The following SLC16A2 variants were observed in gnomAD, a reference collection of about 807,000 sequenced individuals.
SLC16A2 encodes solute carrier family 16 member 2, also known as monocarboxylate transporter 8.
Under a neutral mutation model 27.2 loss-of-function variants are expected in SLC16A2, and 3 were observed. The ratio of observed to expected loss-of-function variants is 0.11; its 90% CI spans 0.05 to 0.28. SLC16A2 has a LOEUF of 0.28. Among genes scored for constraint, SLC16A2 ranks in the 10% least tolerant of loss-of-function variants. The pLI is 1.00. For missense variants in SLC16A2, 295 were observed against 458.5 expected (o/e 0.64, Z 3.26); for synonymous variants, 202 against 187.8 (o/e 1.08, Z -0.62).
intron 1 of SLC16A2, among the ~76,000 whole-genome samples, chrX:74,506,154 G>A (rs1375122059): frequency 2.1e-4 from 23 of 111,372 alleles, no homozygotes; most frequent in Admixed American, 1.9e-3. Context: ...ATGGGCTCAG[G>A]GTTCCTTTTC....
At chrX:74,486,932 G>T (rs1929731510) in intron 1 of SLC16A2, among the ~76,000 whole-genome samples, 1 of 111,725 alleles carries the variant, frequency 9.0e-6, no homozygotes, top group Non-Finnish European at 1.9e-5. Flanking sequence ...CATGTCCTTT[G>T]TAGGGACATG....
At chrX:74,496,930 C>T (rs761347587) in intron 1 of SLC16A2, among the ~76,000 whole-genome samples, 2 of 111,736 alleles carry the variant, frequency 1.8e-5, no homozygotes, top group South Asian at 7.7e-4. Flanking sequence ...TGTGCTAGTG[C>T]CTGTTGGTGC....
intron 1 of SLC16A2, among the ~76,000 whole-genome samples, chrX:74,498,823 A>G (rs980542834): frequency 8.9e-6 from 1 of 111,796 alleles, no homozygotes; most frequent in Admixed American, 9.5e-5. Flanking sequence ...TGTTTTCTCA[A>G]AAGAGCAGAT....
intron 1 of SLC16A2, among the ~76,000 whole-genome samples, chrX:74,431,736 T>G (rs1207819027): frequency 8.9e-6 from 1 of 112,463 alleles, no homozygotes; most frequent in Non-Finnish European, 1.9e-5. Flanking sequence ...TCTACTTTAA[T>G]AAGAAAATGA....
At chrX:74,506,932 TATTTA>T (rs1388891258) in intron 1 of SLC16A2, among the ~76,000 whole-genome samples, 10 of 29,537 alleles carry the variant, frequency 3.4e-4, no homozygotes, top group South Asian at 1.5e-3. Flanking sequence ...TTTATTTATT[TATTTA>T]TTTTTTTTTT....
At chrX:74,428,054 C>T (rs1418257867) in intron 1 of SLC16A2, among the ~76,000 whole-genome samples, 1 of 111,015 alleles carries the variant, frequency 9.0e-6, no homozygotes, top group African/African-American at 3.3e-5. Flanking sequence ...CCATTTGCAA[C>T]TCCCCAGCAG....
intron 1 of SLC16A2, among the ~76,000 whole-genome samples, chrX:74,466,647 G>C (rs955188015): frequency 3.0e-4 from 34 of 111,712 alleles, no homozygotes; most frequent in Non-Finnish European, 9.4e-5. Flanking sequence ...TCGATCTGCT[G>C]TTGGTTGAAC....
chrX:74,519,713 C>T (rs1308606134), intron 1 of SLC16A2, among the ~76,000 whole-genome samples: 2 of 23,203 alleles, frequency 8.6e-5, no homozygotes, highest in Non-Finnish European at 3.1e-4. Flanking sequence ...AAGACTGTGT[C>T]TCAAAAAAAA....
intron 1 of SLC16A2, among the ~76,000 whole-genome samples, chrX:74,485,817 T>A (rs1222836538): frequency 9.0e-6 from 1 of 111,279 alleles, no homozygotes; most frequent in African/African-American, 3.3e-5. Flanking sequence ...GGTGCCTGGC[T>A]GGATCAGGAG....
chrX:74,519,737 A>C (rs1229184568), intron 1 of SLC16A2, among the ~76,000 whole-genome samples: 1 of 69,269 alleles, frequency 1.4e-5, no homozygotes, highest in Non-Finnish European at 3.8e-5. Flanking sequence ...AAAACAAAAA[A>C]AAAACGAAAG....
At chrX:74,461,148 C>T (rs1171926758) in intron 1 of SLC16A2, among the ~76,000 whole-genome samples, 1 of 111,867 alleles carries the variant, frequency 8.9e-6, no homozygotes, top group East Asian at 2.8e-4. Context: ...ATAGTATTTC[C>T]CAGGAAGCTC....
chrX:74,478,172 T>C (rs1339267962), intron 1 of SLC16A2, among the ~76,000 whole-genome samples: 2 of 112,101 alleles, frequency 1.8e-5, no homozygotes, highest in East Asian at 2.8e-4. Context: ...TGGGTGCTCC[T>C]GTATTGGGTG....
intron 1 of SLC16A2, among the ~76,000 whole-genome samples, chrX:74,482,021 A>G (rs1456575731): frequency 9.1e-6 from 1 of 110,367 alleles, no homozygotes; most frequent in Non-Finnish European, 1.9e-5. Context: ...ATGACCAATA[A>G]TCTACTCTCT....
chrX:74,425,238 C>T (rs1928383239), intron 1 of SLC16A2, among the ~76,000 whole-genome samples: 1 of 110,955 alleles, frequency 9.0e-6, no homozygotes, highest in Non-Finnish European at 1.9e-5. Context: ...GGATTCAGGC[C>T]TTACTAGAGC....
rs192469704 is a variant in SLC16A2 at position 74,505,275 on chromosome X, A to C, written c.431-15715A>C. Among the ~76,000 whole-genome samples the C allele has an allele frequency of 4.5e-5, 5 of 111,811 alleles. No homozygotes were observed. The East Asian group carries it at 1.4e-3, about 32-fold the overall frequency. On this transcript the variant is annotated intron_variant, in intron 1 of 5. Transcript: ENST00000587091. ...TTCCCAGCTGGGAAGCAGGTTGTTAACTAGCCAACCGATGTAATATCCTCT... is the reference window on the plus strand; with the variant it reads ...TTCCCAGCTGGGAAGCAGGTTGTTACCTAGCCAACCGATGTAATATCCTCT...
chrX:74,502,299 C>G (rs745895141), intron 1 of SLC16A2, among the ~76,000 whole-genome samples: 1 of 111,982 alleles, frequency 8.9e-6, no homozygotes, highest in East Asian at 2.8e-4. Context: ...CCTTCCTACC[C>G]TCCCTAAAAA....
At chrX:74,504,539 C>A (rs1012619998) in intron 1 of SLC16A2, among the ~76,000 whole-genome samples, 2 of 112,168 alleles carry the variant, frequency 1.8e-5, no homozygotes, top group African/African-American at 6.5e-5. Flanking sequence ...TCCACATCTG[C>A]CTTCCCCAGG....
At chrX:74,452,757 C>A (rs1928966872) in intron 1 of SLC16A2, among the ~76,000 whole-genome samples, 1 of 111,031 alleles carries the variant, frequency 9.0e-6, no homozygotes, top group South Asian at 3.8e-4. Context: ...TGTCCTCAGC[C>A]TACAGTTCAC....
intron 1 of SLC16A2, among the ~76,000 whole-genome samples, chrX:74,515,890 C>T (rs1443705762): frequency 9.0e-6 from 1 of 111,486 alleles, no homozygotes; most frequent in Non-Finnish European, 1.9e-5. Context: ...CCCAACAGAC[C>T]TACCCTAAAA....
Sources: gnomAD v4.1 joint callset for allele counts (sites outside exome capture counted in the v4.1 genomes callset) on GRCh38, gnomAD v4.1.1 for gene constraint, MANE v1.5 for transcripts, NCBI Gene and HGNC (gene_info 2026-07-23, HGNC 2026-07-21) for gene names.